Variants in TFG observed in about 807,000 individuals in gnomAD.
The protein encoded by TFG is trafficking from ER to golgi regulator.
TFG carries 22 observed loss-of-function variants against 51.4 expected under a neutral mutation model. The ratio of observed to expected loss-of-function variants is 0.43; its 90% confidence interval spans 0.31 to 0.61. The LOEUF is 0.61. Ranked by LOEUF, TFG falls within the 20% of genes least tolerant of loss-of-function variation. TFG has a pLI of 0.12. For synonymous variants in TFG, 187 were observed against 165.6 expected, an observed-to-expected ratio of 1.13 and a Z score of -0.99; for missense variants, 419 against 487.7, an observed-to-expected ratio of 0.86 and a Z score of 1.33.
intron 3 of TFG, among the ~76,000 whole-genome samples, chr3:100,720,390 A>C (rs2095057463): frequency 6.6e-6 from 1 of 152,204 alleles, no homozygotes; most frequent in Non-Finnish European, 1.5e-5. Flanking sequence ...ACATTACAGT[A>C]TGTTGTTACT....
chr3:100,723,448 G>T (rs1366826746), intron 3 of TFG, among the ~76,000 whole-genome samples: 1 of 151,844 alleles, frequency 6.6e-6, no homozygotes, highest in African/African-American at 2.4e-5. Context: ...TACATATATC[G>T]GTTAAAATAA....
intron 6 of TFG, chr3:100,742,708 C>A (rs1213878786): frequency 4.6e-5 from 7 of 152,162 alleles, no homozygotes; most frequent in Non-Finnish European, 7.4e-5. Flanking sequence ...AGAACAGTAA[C>A]CCCAACTGGG....
At chr3:100,741,895 T>C (rs753963694) in intron 6 of TFG, among the ~76,000 whole-genome samples, 24 of 152,212 alleles carry the variant, frequency 1.6e-4, no homozygotes, top group Non-Finnish European at 2.9e-4. Flanking sequence ...ATGTACCATA[T>C]AGCCTAGCTA....
At chr3:100,737,628 A>G (rs1559719608) in intron 6 of TFG, among the ~76,000 whole-genome samples, 2 of 152,240 alleles carry the variant, frequency 1.3e-5, no homozygotes, top group Non-Finnish European at 2.9e-5. Flanking sequence ...AGATAGTGGT[A>G]TAATGTATTT....
intron 3 of TFG, among the ~76,000 whole-genome samples, 157 bp downstream of exon 3, chr3:100,720,215 T>A (rs918206238): frequency 1.3e-5 from 2 of 152,204 alleles, no homozygotes; most frequent in Non-Finnish European, 1.5e-5. Flanking sequence ...ACTTGAAGCT[T>A]ATGGCTGTGT....
chr3:100,714,158 T>G (rs900580653), intron 2 of TFG, among the ~76,000 whole-genome samples: 1 of 152,190 alleles, frequency 6.6e-6, no homozygotes, highest in African/African-American at 2.4e-5. Flanking sequence ...CTTTCTTGTA[T>G]TGAATGTGAT....
intron 6 of TFG, among the ~76,000 whole-genome samples, chr3:100,738,336 C>G (rs1413131970): frequency 6.6e-6 from 1 of 152,118 alleles, no homozygotes; most frequent in Admixed American, 6.5e-5. Flanking sequence ...AGTTTAATGC[C>G]TACATCAAGC....
chr3:100,741,262 A>G (rs999431038), intron 6 of TFG, among the ~76,000 whole-genome samples: 6 of 152,192 alleles, frequency 3.9e-5, no homozygotes, highest in African/African-American at 1.2e-4. Flanking sequence ...TGAGAGCTCC[A>G]TGGATGTTCT....
chr3:100,718,082 A>G (rs1018509497), intron 2 of TFG, among the ~76,000 whole-genome samples: 1 of 151,770 alleles, frequency 6.6e-6, no homozygotes, highest in Non-Finnish European at 1.5e-5. Context: ...GTGCCACTGC[A>G]CTCAGCTTCT....
At chr3:100,717,404 T>C (rs2095049178) in intron 2 of TFG, among the ~76,000 whole-genome samples, 1 of 152,196 alleles carries the variant, frequency 6.6e-6, no homozygotes, top group Admixed American at 6.5e-5. Flanking sequence ...TGTAGTTCTG[T>C]ACAAATTTTA....
intron 6 of TFG, among the ~76,000 whole-genome samples, chr3:100,739,056 C>T (rs2149090289): frequency 6.6e-6 from 1 of 152,220 alleles, no homozygotes; most frequent in South Asian, 2.1e-4. Context: ...TTTAAGAGCA[C>T]AGCTTTAGAT....
chr3:100,714,436 C>T lies in TFG; in HGVS notation c.184+567C>T, dbSNP rs547691065. The stretch of plus-strand genomic sequence containing the variant: ...AATTACTTGAACCCGGGAGGTGGAG[C>T]TTACATTGAGCCAAGATCGTGCCAC... On this transcript the variant is annotated intron_variant, in intron 2 of 7. Coordinates refer to ENST00000240851, the MANE Select transcript of TFG (RefSeq NM_006070.6). Among the ~76,000 whole-genome samples the T allele has an allele frequency of 4.6e-5, 7 of 151,802 alleles. No individual in the cohort carries two copies. In the East Asian group the frequency reaches 1.4e-3, roughly 30 times the overall value.
intron 1 of TFG, 94 bp from the exon 2 acceptor site, chr3:100,713,549 T>C (rs190654500): frequency 6.2e-4 from 307 of 495,732 alleles, no homozygotes; most frequent in Middle Eastern, 2.3e-3. Flanking sequence ...AATGAATCTT[T>C]TGGAGGCTAG....
In TFG at chr3:100,748,218, C is replaced by T; in HGVS notation, c.890C>T (p.Ser297Phe). The change falls in exon 8 of 8, where the codon TCC becomes TTC. Residue 297 changes from serine (S) to phenylalanine (F), a missense_variant. Ser to Phe is a radical substitution (Grantham distance 155). Around this residue, in one of 3 missense-constraint regions of TFG, gnomAD observed 391 missense variants for 434.4 expected, o/e 0.90. Transcript: ENST00000240851. ...QFQGYGQQPTSQAPAPAFSGQ... is the reference protein window; with the variant it reads ...QFQGYGQQPTFQAPAPAFSGQ... Reference sequence around the variant, plus strand: ...CAGGGATATGGCCAGCAACCAACTTCCCAGGCACCAGCTCCTGCCTTTTCT... The same window carrying T: ...CAGGGATATGGCCAGCAACCAACTTTCCAGGCACCAGCTCCTGCCTTTTCT... The T allele has an allele frequency of 6.2e-7, 1 of 1,614,148 alleles. No homozygotes were observed. The highest frequency in any genetic ancestry group is 8.5e-7 in the Non-Finnish European group (1 of 1,180,000).
At chr3:100,710,621 C>T (rs1260601441) in intron 1 of TFG, among the ~76,000 whole-genome samples, 1 of 152,188 alleles carries the variant, frequency 6.6e-6, no homozygotes, top group Non-Finnish European at 1.5e-5. Flanking sequence ...GTTTGTCCGC[C>T]GAACCTAGAA....
chr3:100,726,181 C>T (rs527312655), intron 3 of TFG, among the ~76,000 whole-genome samples: 2 of 152,226 alleles, frequency 1.3e-5, no homozygotes, highest in East Asian at 3.9e-4. Flanking sequence ...GCCCTGGAGT[C>T]CAAAGGCCAA....
In TFG at chr3:100,725,526, C is replaced by CCCAGCACTTTG. The variant is rs2095072680; in HGVS notation, c.269-3185_269-3175dup. Among the ~76,000 whole-genome samples the CCCAGCACTTTG allele has an allele frequency of 2.0e-5, 3 of 150,694 alleles. No individual in the cohort carries two copies. The South Asian group carries it at 6.3e-4, about 32-fold the overall frequency. ...AGGTGCGGTGGCTCACACCTGTAAT[C>CCCAGCACTTTG]CCAGCACTTTGGGAGGCCGAAGTGG... On this transcript the variant is annotated intron_variant, in intron 3 of 7. Transcript: ENST00000240851.
chr3:100,726,578 A>G (rs2095076578), intron 3 of TFG, among the ~76,000 whole-genome samples: 1 of 152,214 alleles, frequency 6.6e-6, no homozygotes, highest in African/African-American at 2.4e-5. Flanking sequence ...TGAGTAGATA[A>G]TAACAGATTA....
intron 2 of TFG, among the ~76,000 whole-genome samples, chr3:100,719,129 C>T (rs549238508): frequency 1.0e-3 from 156 of 152,188 alleles, no homozygotes; most frequent in Non-Finnish European, 2.0e-3. Context: ...TCAGTTTTGT[C>T]ATCTTTGCCC....
Sources: allele counts gnomAD v4.1 joint callset (sites outside exome capture counted in the v4.1 genomes callset), GRCh38; gene constraint gnomAD v4.1.1; regional missense constraint gnomAD v4.1.1; transcripts MANE v1.5; gene names NCBI Gene and HGNC (gene_info 2026-07-23, HGNC 2026-07-21).